ERBB2: variants seen among roughly 807,000 people sequenced by gnomAD.
The protein encoded by ERBB2 is receptor tyrosine-protein kinase erbB-2.
ERBB2 carries 61 observed loss-of-function variants against 149.0 expected under a neutral mutation model. The observed-to-expected ratio is 0.41, with a 90% CI of 0.33 to 0.51. The LOEUF (loss-of-function observed/expected upper bound fraction) is 0.51, where lower values mean the gene tolerates loss of function less well. ERBB2 is among the 20% of genes least tolerant of loss of function. The pLI, the probability that ERBB2 is intolerant of heterozygous loss-of-function variation, is 0.25. For missense variants in ERBB2, 1,205 were observed against 1,655.1 expected (o/e 0.73, Z 4.72); for synonymous variants, 633 against 678.8 (o/e 0.93, Z 1.05).
At position 39,723,435 on chromosome 17, in the gene ERBB2, G is replaced by A. The variant is rs2145806687; in HGVS notation, c.2063G>A (p.Arg688Gln). ...RQQKIRKYTM[R>Q]RLLQETELVE... ...CAGAAGATCCGGAAGTACACGATGC[G>A]GAGACTGCTGCAGGAAACGGAGGTG... The change falls in exon 17 of 27, where the codon CGG becomes CAG. Residue 688 changes from arginine (R) to glutamine (Q), a missense_variant. Coordinates refer to ENST00000269571, the MANE Select transcript of ERBB2 (RefSeq NM_004448.4). This position sits in a 1 kb window ranked among gnomAD's most constrained non-coding sequence, Gnocchi z 6.2. 6.2e-7 allele frequency: 1 copy of A among 1,614,196 alleles called. No individual in the cohort carries two copies. Among genetic ancestry groups the A allele is most frequent in the Non-Finnish European group, 8.5e-7 (1 of 1,180,038 alleles).
Position 39,727,334 on chromosome 17 carries a change from G to A in ERBB2, c.3199G>A (p.Glu1067Lys), listed in dbSNP as rs1597891548. The stretch of plus-strand genomic sequence containing the variant: ...CCTGACACTAGGGCTGGAGCCCTCT[G>A]AAGAGGAGGCCCCCAGGTCTCCACT... ...GDLTLGLEPSEEEAPRSPLAP... is the reference protein window; with the variant it reads ...GDLTLGLEPSKEEAPRSPLAP... Residue 1067 changes from glutamate to lysine, a missense_variant, in exon 26 of 27, where the codon GAA becomes AAA. By Grantham distance (56) the Glu-to-Lys change is moderately conservative (BLOSUM62 1). Transcript: ENST00000269571. This position sits in a 1 kb window ranked among gnomAD's most constrained non-coding sequence, Gnocchi z 4.3. 6.2e-7 allele frequency: 1 copy of A among 1,612,352 alleles called. No homozygotes were observed. The highest frequency in any genetic ancestry group is 8.5e-7 in the Non-Finnish European group (1 of 1,179,496).
chr17:39,723,793 G>A lies in ERBB2; in HGVS notation c.2209-119G>A. The A allele has an allele frequency of 6.7e-7, 1 of 1,490,838 alleles. No homozygotes were observed. The highest frequency in any genetic ancestry group is 9.2e-7 in the Non-Finnish European group (1 of 1,092,528). 92.4% of individuals were successfully genotyped at this position (1,490,838 alleles called of 1,614,324 possible). A position where few individuals can be genotyped will look rare whatever the true frequency, so the allele number is the denominator to read the frequency against. ...GGGGAGGGCAGTTACAGCGGAGAAG[G>A]GAGCGGGGCCAAGCCCTAGGGTGGT... On this transcript the variant is annotated intron_variant, in intron 18 of 26. Coordinates refer to ENST00000269571, the MANE Select transcript of ERBB2 (RefSeq NM_004448.4). The surrounding 1 kb of genome is among the most constrained non-coding windows in gnomAD (Gnocchi z 6.2).
In ERBB2 at chr17:39,716,402, G is replaced by A. The variant is rs2059128180; in HGVS notation, c.1615G>A (p.Glu539Lys). The A allele has an allele frequency of 6.2e-7, 1 of 1,609,136 alleles. No homozygotes were observed. The highest frequency in any genetic ancestry group is 8.5e-7 in the Non-Finnish European group (1 of 1,176,290). ...VNCSQFLRGQ[E>K]CVEECRVLQG... ...CTGCAGCCAGTTCCTTCGGGGCCAG[G>A]AGTGCGTGGAGGAATGCCGAGTACT... The change falls in exon 13 of 27, where the codon GAG (glutamate) becomes AAG (lysine). Residue 539 changes from glutamate (E) to lysine (K), a missense_variant. Physicochemically the swap from Glu to Lys is moderately conservative, Grantham distance 56. This residue lies in a region of ERBB2 where 569 missense variants were observed against 803.5 expected (regional missense o/e 0.71). Coordinates refer to ENST00000269571, the MANE Select transcript of ERBB2 (RefSeq NM_004448.4).
chr17:39,700,289 C>A lies in ERBB2; in HGVS notation c.51C>A (p.Pro17=), dbSNP rs567022720. 420 of 1,430,494 alleles carry A rather than the reference C, an allele frequency of 2.9e-4. 2 individuals are homozygous for A. The African/African-American group carries it at 4.5e-3, about 15-fold the overall frequency. 88.6% of individuals were successfully genotyped at this position (1,430,494 alleles called of 1,614,324 possible). A position where few individuals can be genotyped will look rare whatever the true frequency, so the allele number is the denominator to read the frequency against. Residue 17 remains proline, a synonymous_variant, in exon 1 of 27, where the codon CCC becomes CCA. Transcript: ENST00000269571. ...CRWGLLLALL[P]PGAASTQVCT... ...GGGGGCTCCTCCTCGCCCTCTTGCC[C>A]CCCGGAGCCGCGAGCACCCAAGGTG...
chr17:39,699,332 A>G (rs2057957405), upstream of ERBB2, among the ~76,000 whole-genome samples: 1 of 152,022 alleles, frequency 6.6e-6, no homozygotes, highest in Admixed American at 6.6e-5. Context: ...ATGGTGGCAC[A>G]TGCCTGTAAT....
chr17:39,694,536 T>C (rs1309082833), upstream of ERBB2: 1 of 150,030 alleles, frequency 6.7e-6, no homozygotes, highest in East Asian at 2.0e-4. Flanking sequence ...AAAAGAGGAG[T>C]TGATAGATCT....
chr17:39,705,986 T>C (rs1459584640), intron 1 of ERBB2, among the ~76,000 whole-genome samples: 1 of 152,192 alleles, frequency 6.6e-6, no homozygotes, highest in Non-Finnish European at 1.5e-5. Flanking sequence ...CAAGTTCAAC[T>C]GGGCACTTTA....
chr17:39,705,351 A>G (rs2058363394), intron 1 of ERBB2, among the ~76,000 whole-genome samples: 1 of 152,156 alleles, frequency 6.6e-6, no homozygotes, highest in African/African-American at 2.4e-5. Flanking sequence ...AGCTGTGTCT[A>G]TAAAGCAGCT....
At position 39,702,899 on chromosome 17, in the gene ERBB2, G is replaced by A. The variant is rs548941664; in HGVS notation, c.73+2588G>A. On this transcript the variant is annotated intron_variant, in intron 1 of 26. Coordinates refer to ENST00000269571, the MANE Select transcript of ERBB2 (RefSeq NM_004448.4). ...GTCCAGGGAATTTTTGGACTCTGAA[G>A]AGGAGGCATTAAGAGGTGGTTAGAG... Among the ~76,000 whole-genome samples the A allele has an allele frequency of 3.3e-5, 5 of 152,366 alleles. No individual in the cohort carries two copies. The South Asian group carries it at 1.0e-3, about 32-fold the overall frequency.
rs4252656 is a variant in ERBB2 at position 39,727,807 on chromosome 17, G to A, written c.3531G>A (p.Lys1177=). ...GGCCCAAGACTCTCTCCCCAGGGAA[G>A]AATGGGGTCGTCAAAGACGTTTTTG... is the stretch of plus-strand genomic sequence containing the variant. ...LERPKTLSPG[K]NGVVKDVFAF... Residue 1177 remains lysine (K), a synonymous_variant, in exon 27 of 27, where the codon AAG becomes AAA. Coordinates refer to ENST00000269571, the MANE Select transcript of ERBB2 (RefSeq NM_004448.4). The surrounding 1 kb of genome is among the most constrained non-coding windows in gnomAD (Gnocchi z 4.3). 1.1e-5 allele frequency: 17 copies of A among 1,613,558 alleles called. No individual in the cohort carries two copies. The African/African-American group carries it at 1.9e-4, about 18-fold the overall frequency.
Position 39,723,901 on chromosome 17 carries a change from T to C in ERBB2, c.2209-11T>C, listed in dbSNP as rs1447933524. On this transcript the variant is annotated splice_polypyrimidine_tract_variant and intron_variant, in intron 18 of 26. Coordinates refer to ENST00000269571, the MANE Select transcript of ERBB2 (RefSeq NM_004448.4). The surrounding 1 kb of genome is among the most constrained non-coding windows in gnomAD (Gnocchi z 6.2). ...CGCTCTTCTCACTCATATCCTCCTC[T>C]TTCTGCCCAGGGCATCTGGATCCCT... 2.5e-6 allele frequency: 4 copies of C among 1,610,922 alleles called. No homozygotes were observed. Among genetic ancestry groups the C allele is most frequent in the Non-Finnish European group, 1.7e-6 (2 of 1,177,146 alleles).
At chr17:39,696,678 G>A (rs1248450115), upstream of ERBB2, 1 of 152,346 alleles carries the variant, frequency 6.6e-6, no homozygotes, top group South Asian at 2.1e-4. Flanking sequence ...GCAAAATGGG[G>A]AATGATAACA....
At chr17:39,691,941 A>ATATATG (rs2057721218), upstream of ERBB2, among the ~76,000 whole-genome samples, 1 of 139,862 alleles carries the variant, frequency 7.1e-6, no homozygotes, top group Non-Finnish European at 1.5e-5. Flanking sequence ...ATACATATAT[A>ATATATG]TATATATATA....
At chr17:39,699,889 G>T, upstream of ERBB2, 1 of 738,602 alleles carries the variant, frequency 1.4e-6, no homozygotes, top group East Asian at 3.4e-5. Flanking sequence ...ACGCACCCAG[G>T]CCTGCGCGAA....
intron 16 of ERBB2, among the ~76,000 whole-genome samples, chr17:39,721,384 C>T (rs955897048): frequency 6.6e-6 from 1 of 151,704 alleles, no homozygotes; most frequent in African/African-American, 2.4e-5. Context: ...AAGCAATCCT[C>T]CTGTCTCAGC....
In ERBB2 at chr17:39,728,088, A is replaced by G. The variant is rs2143328750; in HGVS notation, c.*44A>G. 7.2e-7 allele frequency: 1 copy of G among 1,390,906 alleles called. No homozygotes were observed. The highest frequency in any genetic ancestry group is 9.8e-7 in the Non-Finnish European group (1 of 1,022,714). The allele number at this position is 1,390,906 out of a possible 1,614,324, so 86.2% of individuals were successfully genotyped here. On this transcript the variant is annotated 3_prime_UTR_variant, in exon 27 of 27. Coordinates refer to ENST00000269571, the MANE Select transcript of ERBB2 (RefSeq NM_004448.4). ...CAGAAGCCCTGATGTGTCCTCAGGGAGCAGGGAAGGCCTGACTTCTGCTGG... is the reference window on the plus strand; with the variant it reads ...CAGAAGCCCTGATGTGTCCTCAGGGGGCAGGGAAGGCCTGACTTCTGCTGG...
At position 39,710,092 on chromosome 17, in the gene ERBB2, G is replaced by T. The variant is rs779346332; in HGVS notation, c.650G>T (p.Arg217Leu). 8 of 1,606,392 alleles carry T rather than the reference G, an allele frequency of 5.0e-6. No individual in the cohort carries two copies. Among genetic ancestry groups the T allele is most frequent in the African/African-American group, 1.3e-5 (1 of 74,864 alleles). Residue 217 changes from arginine (R) to leucine (L), a missense_variant, in exon 6 of 27, where the codon CGC (arginine) becomes CTC (leucine). This residue lies in a region of ERBB2 where 569 missense variants were observed against 803.5 expected (regional missense o/e 0.71). Coordinates refer to ENST00000269571, the MANE Select transcript of ERBB2 (RefSeq NM_004448.4). Reference protein sequence around the residue: ...ESSEDCQSLTRTVCAGGCARC... With the variant: ...ESSEDCQSLTLTVCAGGCARC... ...CCTGCCCTTTGCCCAACAGTGACGC[G>T]CACTGTCTGTGCCGGTGGCTGTGCC...
chr17:39,700,377 G>A (rs1420492237), intron 1 of ERBB2, 66 bp downstream of exon 1: 1 of 1,225,812 alleles, frequency 8.2e-7, no homozygotes, highest in African/African-American at 1.6e-5. Context: ...CCCCGCCGAG[G>A]TCCCGCGGCC....
chr17:39,698,124 C>T (rs1460364751), upstream of ERBB2, among the ~76,000 whole-genome samples: 1 of 152,190 alleles, frequency 6.6e-6, no homozygotes, highest in African/African-American at 2.4e-5. Context: ...AAGTATTGCG[C>T]TGAGTGCTTC....
Sources: allele counts gnomAD v4.1 joint callset (sites outside exome capture counted in the v4.1 genomes callset), GRCh38; gene constraint gnomAD v4.1.1; regional missense constraint gnomAD v4.1.1; non-coding constraint Gnocchi (gnomAD v3.1); transcripts MANE v1.5; gene names NCBI Gene and HGNC (gene_info 2026-07-23, HGNC 2026-07-21).